CASD1: variants seen among roughly 807,000 people sequenced by gnomAD.
CASD1 encodes N-acetylneuraminate (7)9-O-acetyltransferase.
Under a neutral mutation model 100.0 loss-of-function variants are expected in CASD1, and 41 were observed. That is an observed-to-expected ratio of 0.41 (90% CI 0.32 to 0.53). The LOEUF (loss-of-function observed/expected upper bound fraction) is 0.53, where lower values mean the gene tolerates loss of function less well. CASD1 is among the 20% of genes least tolerant of loss of function. The pLI is 0.25. For synonymous variants in CASD1, 321 were observed against 315.6 expected, an observed-to-expected ratio of 1.02 and a Z score of -0.18; for missense variants, 774 against 948.7, an observed-to-expected ratio of 0.82 and a Z score of 2.42.
chr7:94,529,209 A>G (rs1174849597), intron 5 of CASD1, among the ~76,000 whole-genome samples: 1 of 152,208 alleles, frequency 6.6e-6, no homozygotes. Context: ...ATTTGAAATT[A>G]TTTAAGCATA....
In CASD1 at chr7:94,554,511, T is replaced by C; in HGVS notation, c.2063T>C (p.Ile688Thr). Reference protein sequence around the residue: ...QILAFILIRNIPGYARSVYSS... With the variant: ...QILAFILIRNTPGYARSVYSS... The stretch of plus-strand genomic sequence containing the variant: ...TTAGCCTTCATCCTAATAAGAAACA[T>C]CCCTGGATATGCCCGTTCAGTTTAC... Residue 688 changes from isoleucine (I) to threonine (T), a missense_variant, in exon 17 of 18, where the codon ATC becomes ACC. Around this residue, in one of 5 missense-constraint regions of CASD1, gnomAD observed 175 missense variants for 206.9 expected, o/e 0.85. Coordinates refer to ENST00000297273, the MANE Select transcript of CASD1 (RefSeq NM_022900.5). 2 of 1,611,760 alleles carry C rather than the reference T, an allele frequency of 1.2e-6. No individual in the cohort carries two copies. The highest frequency in any genetic ancestry group is 1.7e-6 in the Non-Finnish European group (2 of 1,178,590).
At chr7:94,630,075 T>C in the CASD1 span, among the ~76,000 whole-genome samples, 1 of 151,960 alleles carries the variant, frequency 6.6e-6, no homozygotes, top group East Asian at 1.9e-4. Flanking sequence ...AAACACTACA[T>C]AGACAAAATT....
chr7:94,599,743 T>A, the CASD1 span: 1 of 1,524,208 alleles, frequency 6.6e-7, no homozygotes, highest in Non-Finnish European at 9.1e-7. Flanking sequence ...AAACAAAATT[T>A]ATGAATTAAA....
chr7:94,564,448 CAGTT>C, the CASD1 span, among the ~76,000 whole-genome samples: 22 of 152,326 alleles, frequency 1.4e-4, no homozygotes, highest in African/African-American at 5.3e-4. Context: ...CCGTCTTTGG[CAGTT>C]AGGGAGGCAG....
intron 5 of CASD1, among the ~76,000 whole-genome samples, chr7:94,532,299 AC>A (rs1183067980): frequency 5.9e-5 from 9 of 152,176 alleles, no homozygotes; most frequent in Non-Finnish European, 1.3e-4. Flanking sequence ...ATAAAATAGT[AC>A]AATTATAACA....
At chr7:94,515,469 A>G (rs546823723) in intron 1 of CASD1, among the ~76,000 whole-genome samples, 8 of 151,674 alleles carry the variant, frequency 5.3e-5, no homozygotes, top group African/African-American at 1.2e-4. Flanking sequence ...TTTTCCATCA[A>G]CTCAACAACT....
the CASD1 span, chr7:94,627,895 A>G: frequency 3.3e-5 from 10 of 306,882 alleles, no homozygotes; most frequent in East Asian, 3.4e-4. Flanking sequence ...TACAGAGCAA[A>G]TAAGTCTATC....
At chr7:94,587,609 C>A in the CASD1 span, 1 of 1,381,552 alleles carries the variant, frequency 7.2e-7, no homozygotes, top group Non-Finnish European at 9.3e-7. Context: ...AAGTTTGTTC[C>A]TTCATCAATC....
At chr7:94,529,424 T>C (rs1794741708) in intron 5 of CASD1, among the ~76,000 whole-genome samples, 1 of 152,176 alleles carries the variant, frequency 6.6e-6, no homozygotes, top group Non-Finnish European at 1.5e-5. Context: ...TTAGATTCTA[T>C]TGTAAAACTC....
downstream of CASD1, among the ~76,000 whole-genome samples, chr7:94,560,675 A>G (rs1190344244): frequency 6.6e-6 from 1 of 152,212 alleles, no homozygotes; most frequent in African/African-American, 2.4e-5. Flanking sequence ...TTATCAAAAG[A>G]TATTAGAATA....
the CASD1 span, among the ~76,000 whole-genome samples, chr7:94,603,125 G>A: frequency 5.9e-5 from 9 of 152,064 alleles, no homozygotes; most frequent in Admixed American, 1.3e-4. Context: ...TTTCCTAAAC[G>A]GATGCACTGT....
chr7:94,575,829 C>T, the CASD1 span, among the ~76,000 whole-genome samples: 3 of 152,288 alleles, frequency 2.0e-5, no homozygotes, highest in East Asian at 5.8e-4. Context: ...TACATGGTTT[C>T]TGATGAGAAA....
chr7:94,521,522 T>C (rs1794270216), intron 3 of CASD1, among the ~76,000 whole-genome samples: 1 of 152,316 alleles, frequency 6.6e-6, no homozygotes, highest in South Asian at 2.1e-4. Flanking sequence ...TTTTAAAACT[T>C]AAGTTAAAGA....
In CASD1 at chr7:94,553,853, G is replaced by A. The variant is rs1438546600; in HGVS notation, c.2035-630G>A. The A allele has an allele frequency of 4.6e-5, 7 of 151,710 alleles. No individual in the cohort carries two copies. The East Asian group carries it at 1.4e-3, about 29-fold the overall frequency. The allele number at this position is 151,710 out of a possible 1,614,324, so 9.4% of individuals were successfully genotyped here. On this transcript the variant is annotated intron_variant, in intron 16 of 17. Transcript: ENST00000297273. ...CAAGATTGTTCCACCGAAAATGAAA[G>A]ATTGTTCCACCTGGTACAAAAGGAC...
chr7:94,623,880 A>T, the CASD1 span: 1 of 357,108 alleles, frequency 2.8e-6, no homozygotes. Flanking sequence ...GTCATAAATA[A>T]CCCTTTGGAA....
the CASD1 span, chr7:94,620,542 G>A: frequency 4.6e-5 from 7 of 152,088 alleles, no homozygotes; most frequent in Non-Finnish European, 1.0e-4. Flanking sequence ...ATGCAGAAAT[G>A]TGTTATGAGA....
chr7:94,547,418 TACTTG>T lies in CASD1; in HGVS notation c.1713+248_1713+252del, dbSNP rs762217489. Among the ~76,000 whole-genome samples the T allele has an allele frequency of 3.9e-5, 6 of 151,900 alleles. No individual in the cohort carries two copies. In the East Asian group the frequency reaches 5.8e-4, roughly 15 times the overall value. ...TCTGGCAGTTGTTCAAGATCCGTTT[TACTTG>T]ACTTTGATCAATCAAACATTTATTG... On this transcript the variant is annotated intron_variant, in intron 13 of 17. Coordinates refer to ENST00000297273, the MANE Select transcript of CASD1 (RefSeq NM_022900.5).
chr7:94,565,061 C>T, the CASD1 span, among the ~76,000 whole-genome samples: 2 of 151,920 alleles, frequency 1.3e-5, no homozygotes, highest in Non-Finnish European at 1.5e-5. Flanking sequence ...CACAGTAATT[C>T]GCTGCCCATC....
At chr7:94,599,692 C>T in the CASD1 span, 2 of 1,609,678 alleles carry the variant, frequency 1.2e-6, no homozygotes. Flanking sequence ...AAAGAAGACA[C>T]TTACTCTGGT....
Sources: gnomAD v4.1 joint callset for allele counts (sites outside exome capture counted in the v4.1 genomes callset) on GRCh38, gnomAD v4.1.1 for gene constraint, gnomAD v4.1.1 regional missense constraint, MANE v1.5 for transcripts, NCBI Gene and HGNC (gene_info 2026-07-23, HGNC 2026-07-21) for gene names.